Variants in FBN2 observed in about 807,000 individuals in gnomAD.
FBN2 encodes fibrillin-2.
Under a neutral mutation model 355.6 loss-of-function variants are expected in FBN2, and 105 were observed. The observed-to-expected ratio is 0.30, with a 90% confidence interval of 0.25 to 0.35. The LOEUF is 0.35. FBN2 is among the 10% of genes least tolerant of loss of function. The pLI is 1.00. For missense variants in FBN2, 3,280 were observed against 3,758.7 expected, an observed-to-expected ratio of 0.87 and a Z score of 3.33; for synonymous variants, 1,350 against 1,301.2, an observed-to-expected ratio of 1.04 and a Z score of -0.81.
At chr5:128,291,504 A>C (rs1749320921) in intron 49 of FBN2, 25 bp downstream of exon 49, 2 of 1,613,188 alleles carry the variant, frequency 1.2e-6, no homozygotes, top group African/African-American at 2.7e-5. Context: ...GTGAACTGTG[A>C]CAGTGAAGTC....
At chr5:128,526,271 T>A (rs1756557829) in intron 4 of FBN2, among the ~76,000 whole-genome samples, 1 of 152,240 alleles carries the variant, frequency 6.6e-6, no homozygotes, top group Non-Finnish European at 1.5e-5. Flanking sequence ...GGCAAGTATA[T>A]AGAGTGGAGC....
chr5:128,365,566 T>A (rs555996060), intron 17 of FBN2, among the ~76,000 whole-genome samples: 1 of 152,100 alleles, frequency 6.6e-6, no homozygotes, highest in East Asian at 1.9e-4. Context: ...GGTTTGGATA[T>A]TTATTATAAA....
Position 128,332,940 on chromosome 5 carries a change from G to A in FBN2, c.4194C>T (p.Gly1398=). ...TACACTTGATGCCGTTTCCAATCCAGCCTTCTCTGCAGCTACACTTGAAGC... is the reference window on the plus strand; with the variant it reads ...TACACTTGATGCCGTTTCCAATCCAACCTTCTCTGCAGCTACACTTGAAGC... ...PGSFKCSCRE[G]WIGNGIKCID... The change falls in exon 32 of 65, where the codon GGC becomes GGT. Residue 1398 remains glycine, a synonymous_variant. Transcript: ENST00000262464. 3 of 1,613,916 alleles carry A rather than the reference G, an allele frequency of 1.9e-6. No individual in the cohort carries two copies. The highest frequency in any genetic ancestry group is 1.7e-6 in the Non-Finnish European group (2 of 1,179,882).
At position 128,384,845 on chromosome 5, in the gene FBN2, A is replaced by G. The variant is rs536568209; in HGVS notation, c.1604-5955T>C. Among the ~76,000 whole-genome samples, 7 of 152,058 alleles carry G rather than the reference A, an allele frequency of 4.6e-5. 1 individual carries two copies. The highest frequency in any genetic ancestry group is 2.0e-4 in the Admixed American group (3 of 15,262). On this transcript the variant is annotated intron_variant, in intron 11 of 64. Coordinates refer to ENST00000262464, the MANE Select transcript of FBN2 (RefSeq NM_001999.4). ...AGTATTAATCCCAGCTTTGACTAGT[A>G]TGTGCAAACATGGAGTACATCTTAG...
chr5:128,276,907 A>C (rs1391041376), intron 58 of FBN2, among the ~76,000 whole-genome samples: 1 of 152,188 alleles, frequency 6.6e-6, no homozygotes, highest in Admixed American at 6.5e-5. Flanking sequence ...GTGTATAGAC[A>C]GTCTTTTTGT....
At chr5:128,483,829 T>C (rs570343766) in intron 5 of FBN2, among the ~76,000 whole-genome samples, 5 of 152,280 alleles carry the variant, frequency 3.3e-5, no homozygotes, top group Non-Finnish European at 7.4e-5. Flanking sequence ...TGTTAAAGTA[T>C]ATAGCAATTC....
intron 5 of FBN2, among the ~76,000 whole-genome samples, chr5:128,499,908 A>C (rs115804198): frequency 0.014 from 2,126 of 152,272 alleles, 49 homozygotes; most frequent in African/African-American, 0.047. Flanking sequence ...ATATGCAAAA[A>C]GTTTGCATGC....
Position 128,259,638 on chromosome 5 carries a change from C to A in FBN2, c.8556G>T (p.Gly2852=). 6.2e-7 allele frequency: 1 copy of A among 1,614,012 alleles called. No individual in the cohort carries two copies. The change falls in exon 65 of 65, where the codon GGG becomes GGT. Residue 2852 remains glycine, a synonymous_variant. Coordinates refer to ENST00000262464, the MANE Select transcript of FBN2 (RefSeq NM_001999.4). ...TCTTGGCCGTGTGCAAGTAGCTGAG[C>A]CCATTCCTTTGGTGGATGCGGAAGA... ...DSVFRIHQRN[G]LSYLHTAKKK...
intron 48 of FBN2, among the ~76,000 whole-genome samples, chr5:128,295,190 T>C (rs1015137930): frequency 6.7e-6 from 1 of 148,638 alleles, no homozygotes; most frequent in African/African-American, 2.5e-5. Context: ...GTTCCATTGA[T>C]CTATATCTCT....
At chr5:128,373,906 G>T (rs1752012588) in intron 15 of FBN2, among the ~76,000 whole-genome samples, 1 of 152,172 alleles carries the variant, frequency 6.6e-6, no homozygotes, top group Non-Finnish European at 1.5e-5. Flanking sequence ...TGCTTCTGCA[G>T]CTAGTTGCAT....
At chr5:128,302,566 C>T (rs1033842415) in intron 46 of FBN2, among the ~76,000 whole-genome samples, 7 of 152,196 alleles carry the variant, frequency 4.6e-5, no homozygotes, top group Non-Finnish European at 8.8e-5. Context: ...CAGGTGTAAG[C>T]AGGAGGCTAC....
chr5:128,341,791 T>C (rs562860244), intron 25 of FBN2, among the ~76,000 whole-genome samples: 107 of 152,342 alleles, frequency 7.0e-4, no homozygotes, highest in African/African-American at 2.5e-3. Flanking sequence ...TCCTGAATGC[T>C]CTTCTCTGCC....
chr5:128,528,481 T>C (rs1444764236), intron 3 of FBN2, among the ~76,000 whole-genome samples: 2 of 152,194 alleles, frequency 1.3e-5, no homozygotes, highest in South Asian at 4.1e-4. Flanking sequence ...GCTTAGATAC[T>C]GGCACTAGAC....
At chr5:128,396,687 A>G (rs1752658986) in intron 8 of FBN2, among the ~76,000 whole-genome samples, 1 of 152,252 alleles carries the variant, frequency 6.6e-6, no homozygotes, top group Non-Finnish European at 1.5e-5. Context: ...TAAATTATCA[A>G]TATCATCTGT....
At chr5:128,290,963 G>T in intron 49 of FBN2, 79 bp from the exon 50 acceptor site, 1 of 1,382,614 alleles carries the variant, frequency 7.2e-7, no homozygotes, top group Non-Finnish European at 1.0e-6. Context: ...TGTAGAACAC[G>T]GGATGCAGAC....
At chr5:128,335,945 A>AT (rs1226012693) in intron 28 of FBN2, 43 bp downstream of exon 28, 1 of 1,610,260 alleles carries the variant, frequency 6.2e-7, no homozygotes, top group East Asian at 2.2e-5. Flanking sequence ...TCCTAGGCTG[A>AT]TTTGAGACAT....
chr5:128,500,856 A>AAAAAAC (rs895245187), intron 5 of FBN2, among the ~76,000 whole-genome samples: 59 of 152,314 alleles, frequency 3.9e-4, no homozygotes, highest in African/African-American at 1.4e-3. Flanking sequence ...GCATTCGAAG[A>AAAAAAC]AAAAACAAAA....
At position 128,464,824 on chromosome 5, in the gene FBN2, G is replaced by A. The variant is rs1484939908; in HGVS notation, c.726C>T (p.Thr242=). Residue 242 remains threonine (T), a synonymous_variant, in exon 6 of 65, where the codon ACC becomes ACT. Transcript: ENST00000262464. The stretch of plus-strand genomic sequence containing the variant: ...AGGGATGGCCCCACGCCCGTCCAAT[G>A]GTGGCACAGCACAGAGTCTTCGTGC... ...IVCTKTLCCA[T]IGRAWGHPCE... 2 of 1,614,114 alleles carry A rather than the reference G, an allele frequency of 1.2e-6. No individual in the cohort carries two copies. Among genetic ancestry groups the A allele is most frequent in the East Asian group, 2.2e-5 (1 of 44,892 alleles).
rs1330393310 is a variant in FBN2, at chr5:128,263,551, A to G, written c.8066T>C (p.Phe2689Ser). ...ACPSGFSFDQ[F>S]SSACHDVNEC... ...ATTCACGTCGTGGCAGGCACTGGAG[A>G]ACTGGTCGAAGGAGAACCCCGAGGG... Residue 2689 changes from phenylalanine (F) to serine (S), a missense_variant, in exon 63 of 65, where the codon TTC becomes TCC. Coordinates refer to ENST00000262464, the MANE Select transcript of FBN2 (RefSeq NM_001999.4). 1.2e-6 allele frequency: 2 copies of G among 1,613,904 alleles called. No homozygotes were observed. The highest frequency in any genetic ancestry group is 4.5e-5 in the East Asian group (2 of 44,854).
Sources: gnomAD v4.1 joint callset for allele counts (sites outside exome capture counted in the v4.1 genomes callset) on GRCh38, gnomAD v4.1.1 for gene constraint, MANE v1.5 for transcripts, NCBI Gene and HGNC (gene_info 2026-07-23, HGNC 2026-07-21) for gene names.